The following EML6 variants were observed in gnomAD, a reference collection of about 807,000 sequenced individuals.
The protein encoded by EML6 is EMAP like 6, also known as echinoderm microtubule-associated protein-like 6.
In EML6, 154 loss-of-function variants were observed where a neutral mutation model predicts 240.1. The ratio of observed to expected loss-of-function variants is 0.64; its 90% CI spans 0.56 to 0.73. EML6 has a LOEUF of 0.73. EML6 is among the 30% of genes least tolerant of loss of function. EML6 has a pLI of 0.00. For synonymous variants in EML6, 1,148 were observed against 899.0 expected, an observed-to-expected ratio of 1.28 and a Z score of -4.95; for missense variants, 2,964 against 2,474.6, an observed-to-expected ratio of 1.20 and a Z score of -4.20.
chr2:54,828,822 C>G (rs114906241), intron 6 of EML6, among the ~76,000 whole-genome samples: 38 of 152,334 alleles, frequency 2.5e-4, no homozygotes, highest in Non-Finnish European at 4.7e-4. Context: ...TGAAAATCTT[C>G]AAACGATGCT....
At chr2:54,732,635 C>T (rs920159127) in intron 2 of EML6, among the ~76,000 whole-genome samples, 5 of 152,174 alleles carry the variant, frequency 3.3e-5, no homozygotes, top group African/African-American at 7.2e-5. Flanking sequence ...GTAGAAGATG[C>T]TGAATGTTTG....
chr2:54,783,287 T>TGTTCATTAC (rs1327927945), intron 2 of EML6, among the ~76,000 whole-genome samples: 3 of 152,226 alleles, frequency 2.0e-5, no homozygotes, highest in Non-Finnish European at 4.4e-5. Flanking sequence ...TTGTTCTGGA[T>TGTTCATTAC]ATAACTATGT....
intron 2 of EML6, among the ~76,000 whole-genome samples, chr2:54,788,315 G>A (rs1466476150): frequency 6.6e-6 from 1 of 152,168 alleles, no homozygotes; most frequent in Non-Finnish European, 1.5e-5. Flanking sequence ...CATGTGTTTT[G>A]TTGTGCCGGC....
chr2:54,913,186 T>C (rs1673735672), intron 25 of EML6, among the ~76,000 whole-genome samples: 1 of 151,994 alleles, frequency 6.6e-6, no homozygotes, highest in South Asian at 2.1e-4. Context: ...TTTTTTCATA[T>C]TTGTTGGCTG....
In EML6 at chr2:54,766,151, T is replaced by C. The variant is rs576489567; in HGVS notation, c.197+40893T>C. ...GTTGCAGACCAGACACCTTGTGTAG[T>C]TACTAAAAACAAGGACTTCTTTTGT... On this transcript the variant is annotated intron_variant, in intron 2 of 41. Coordinates refer to ENST00000356458, the MANE Select transcript of EML6 (RefSeq NM_001039753.4). Among the ~76,000 whole-genome samples, 7 of 152,320 alleles carry C rather than the reference T, an allele frequency of 4.6e-5. No homozygotes were observed. The South Asian group carries it at 1.4e-3, about 32-fold the overall frequency.
At chr2:54,893,932 G>C (rs924817817) in intron 19 of EML6, among the ~76,000 whole-genome samples, 1 of 152,108 alleles carries the variant, frequency 6.6e-6, no homozygotes, top group Non-Finnish European at 1.5e-5. Context: ...AATTTCTGTA[G>C]GCCCAGAAGT....
At chr2:54,838,172 C>CA (rs1452739211) in intron 7 of EML6, among the ~76,000 whole-genome samples, 1 of 152,214 alleles carries the variant, frequency 6.6e-6, no homozygotes, top group Non-Finnish European at 1.5e-5. Flanking sequence ...TAGGGCACTT[C>CA]ATAGTTCCTG....
At chr2:54,891,296 T>C (rs1033534659) in intron 18 of EML6, 142 bp downstream of exon 18, 1 of 506,258 alleles carries the variant, frequency 2.0e-6, no homozygotes, top group Non-Finnish European at 3.6e-6. Flanking sequence ...TCTCCCAAGT[T>C]CGCTTAGAAC....
At chr2:54,912,643 C>T (rs761654167) in intron 25 of EML6, among the ~76,000 whole-genome samples, 2 of 152,118 alleles carry the variant, frequency 1.3e-5, no homozygotes, top group Non-Finnish European at 1.5e-5. Context: ...TATTCCCACT[C>T]GTGAGAACAT....
intron 2 of EML6, among the ~76,000 whole-genome samples, chr2:54,745,032 C>T (rs1227382759): frequency 6.6e-6 from 1 of 151,496 alleles, no homozygotes; most frequent in Non-Finnish European, 1.5e-5. Flanking sequence ...GAGAAGAGGG[C>T]CTGCCTGCCT....
chr2:54,834,959 T>C (rs1364635054), intron 7 of EML6, among the ~76,000 whole-genome samples: 1 of 152,230 alleles, frequency 6.6e-6, no homozygotes, highest in Non-Finnish European at 1.5e-5. Context: ...AACCCTGCAA[T>C]GATTCATCTT....
chr2:54,760,487 G>A (rs993233809), intron 2 of EML6, among the ~76,000 whole-genome samples: 6 of 152,208 alleles, frequency 3.9e-5, no homozygotes, highest in Admixed American at 3.3e-4. Context: ...CCTCTAGGGA[G>A]ATATCTAGAG....
chr2:54,843,962 TTTTG>T (rs779974085), intron 7 of EML6, 81 bp from the exon 8 acceptor site: 2 of 433,740 alleles, frequency 4.6e-6, no homozygotes, highest in African/African-American at 3.9e-5. Context: ...TACTTTAGGG[TTTTG>T]TGTGTGTGTG....
chr2:54,863,354 C>T (rs1282047353), intron 12 of EML6, among the ~76,000 whole-genome samples: 1 of 152,172 alleles, frequency 6.6e-6, no homozygotes, highest in African/African-American at 2.4e-5. Context: ...CCTGTCCCTA[C>T]AAATAAAATT....
chr2:54,838,365 C>T (rs989806604), intron 7 of EML6, among the ~76,000 whole-genome samples: 1 of 152,190 alleles, frequency 6.6e-6, no homozygotes, highest in African/African-American at 2.4e-5. Flanking sequence ...GTTGAATTCT[C>T]ACAATGCTAT....
In EML6 at chr2:54,964,080, A is replaced by G. The variant is rs760896121; in HGVS notation, c.5252A>G (p.Glu1751Gly). ...GTGGCCATTGGCATGAAGAATGGAG[A>G]GTTTGTCATCTTGTTGGTGAACAGC... ...EMVAIGMKNG[E>G]FVILLVNSLK... The change falls in exon 37 of 42, where the codon GAG (glutamate) becomes GGG (glycine). Residue 1751 changes from glutamate to glycine, a missense_variant. Glu to Gly is a moderately conservative substitution (Grantham distance 98). Transcript: ENST00000356458. The G allele has an allele frequency of 6.4e-7, 1 of 1,551,560 alleles. No homozygotes were observed. Among genetic ancestry groups the G allele is most frequent in the African/African-American group, 1.4e-5 (1 of 73,040 alleles).
At chr2:54,739,987 C>T (rs959121264) in intron 2 of EML6, among the ~76,000 whole-genome samples, 4 of 152,074 alleles carry the variant, frequency 2.6e-5, no homozygotes, top group African/African-American at 7.2e-5. Flanking sequence ...GTAGGTGTAA[C>T]GTAGTGGTCA....
chr2:54,817,880 A>C (rs17417259), intron 4 of EML6, among the ~76,000 whole-genome samples: 1 of 151,962 alleles, frequency 6.6e-6, no homozygotes, highest in African/African-American at 2.4e-5. Flanking sequence ...AGATGTTGCA[A>C]ATTCTACTCC....
In EML6 at chr2:54,820,936, C is replaced by T. The variant is rs142106345; in HGVS notation, c.525+474C>T. ...CCTATCTGGACCATTGGTTTTTAAA[C>T]GCCCCAATCTTCCTCTAGACTACAC... is the stretch of plus-strand genomic sequence containing the variant. On this transcript the variant is annotated intron_variant, in intron 5 of 41. Transcript: ENST00000356458. Among the ~76,000 whole-genome samples, 66 of 152,188 alleles carry T rather than the reference C, an allele frequency of 4.3e-4. No individual in the cohort carries two copies. In the East Asian group the frequency reaches 0.012, roughly 27 times the overall value.
Sources: gnomAD v4.1 joint callset for allele counts (sites outside exome capture counted in the v4.1 genomes callset) on GRCh38, gnomAD v4.1.1 for gene constraint, MANE v1.5 for transcripts, NCBI Gene and HGNC (gene_info 2026-07-23, HGNC 2026-07-21) for gene names.